MCTP1: variants seen among roughly 807,000 people sequenced by gnomAD.
MCTP1 encodes the protein multiple C2 and transmembrane domain-containing protein 1.
A neutral mutation model predicts 120.6 loss-of-function variants in MCTP1; 69 were observed. The ratio of observed to expected loss-of-function variants is 0.57; its 90% confidence interval spans 0.47 to 0.70. MCTP1 has a LOEUF of 0.70. MCTP1 is among the 30% of genes least tolerant of loss of function. The probability of loss-of-function intolerance (pLI) is 0.00; values close to 1 mark genes in which losing one functional copy is unlikely to be tolerated. For missense variants in MCTP1, 1,203 were observed against 1,248.8 expected (o/e 0.96, Z 0.55); for synonymous variants, 529 against 493.1 (o/e 1.07, Z -0.96).
At chr5:94,708,992 G>A (rs72773573) in intron 21 of MCTP1, 23,164 of 156,706 alleles carry the variant, frequency 0.15, 1,919 homozygotes, top group East Asian at 0.32. Context: ...AACTTATTTG[G>A]TTTCCCCTTT....
At position 94,913,276 on chromosome 5, in the gene MCTP1, G is replaced by A. The variant is rs1030935072; in HGVS notation, c.1351-300C>T. Among the ~76,000 whole-genome samples the A allele has an allele frequency of 2.0e-5, 3 of 152,120 alleles. No individual in the cohort carries two copies. In the East Asian group the frequency reaches 5.8e-4, roughly 29 times the overall value. ...AGAATATCAGAGAATATTTGCATGT[G>A]TGCCAAATAGGCTTATGCCAAAATA... On this transcript the variant is annotated intron_variant, in intron 8 of 22. Transcript: ENST00000515393.
chr5:95,051,979 C>T (rs925614561), intron 1 of MCTP1, among the ~76,000 whole-genome samples: 3 of 152,006 alleles, frequency 2.0e-5, no homozygotes, highest in Non-Finnish European at 4.4e-5. Flanking sequence ...ACCAAACCCC[C>T]GTGACACACA....
At chr5:95,036,497 C>T (rs1841323720) in intron 1 of MCTP1, among the ~76,000 whole-genome samples, 1 of 152,196 alleles carries the variant, frequency 6.6e-6, no homozygotes, top group African/African-American at 2.4e-5. Context: ...AAGCACATAG[C>T]TCTACTTCTC....
intron 19 of MCTP1, among the ~76,000 whole-genome samples, chr5:94,770,183 A>C (rs1241251967): frequency 6.6e-6 from 1 of 152,338 alleles, no homozygotes; most frequent in East Asian, 1.9e-4. Context: ...GCTTTGGTGA[A>C]GAAACATGCT....
intron 20 of MCTP1, among the ~76,000 whole-genome samples, chr5:94,712,430 T>C (rs980296230): frequency 6.7e-5 from 10 of 148,450 alleles, no homozygotes; most frequent in African/African-American, 2.2e-4. Context: ...TTTTTTTTTT[T>C]CAGGGCAATT....
In MCTP1 at chr5:94,819,110, T is replaced by C. The variant is rs200442045; in HGVS notation, c.2437-19978A>G. 3.7e-4 allele frequency among the ~76,000 whole-genome samples: 35 copies of C among 95,164 alleles called. No homozygotes were observed. The East Asian group carries it at 6.9e-3, about 19-fold the overall frequency. The allele number at this position is 95,164 out of a possible 152,430, so 62.4% of individuals were successfully genotyped here. A position where few individuals can be genotyped will look rare whatever the true frequency, so the allele number is the denominator to read the frequency against. On this transcript the variant is annotated intron_variant, in intron 17 of 22. Coordinates refer to ENST00000515393, the MANE Select transcript of MCTP1 (RefSeq NM_024717.7). ...TTATTTATTTATTTATTTATTTATT[T>C]ATTTATTTATTCATTCATTCATTCT...
At position 95,095,062 on chromosome 5, in the gene MCTP1, C is replaced by A. The variant is rs548342336; in HGVS notation, c.721-77578G>T. ...TTTTTGAGACGGAGTCTCGCTCTGT[C>A]GCCCAGGCTGGAGTGCAGTGGCGCG... On this transcript the variant is annotated intron_variant, in intron 1 of 22. Transcript: ENST00000515393. 1.0e-3 allele frequency among the ~76,000 whole-genome samples: 120 copies of A among 116,294 alleles called. 1 individual carries two copies. The highest frequency in any genetic ancestry group is 4.1e-3 in the African/African-American group (115 of 28,146). The allele number at this position is 116,294 out of a possible 152,430, so 76.3% of individuals were successfully genotyped here. A position where few individuals can be genotyped will look rare whatever the true frequency, so the allele number is the denominator to read the frequency against.
In MCTP1 at chr5:95,007,667, C is replaced by T. The variant is rs189018965; in HGVS notation, c.838+9700G>A. On this transcript the variant is annotated intron_variant, in intron 2 of 22. Coordinates refer to ENST00000515393, the MANE Select transcript of MCTP1 (RefSeq NM_024717.7). ...TAAAAATGTCCTACAATTTATTTTT[C>T]TCAGATCTGGCTGCCTTATATCTGG... 3.8e-3 allele frequency among the ~76,000 whole-genome samples: 578 copies of T among 152,278 alleles called. 4 individuals are homozygous for T. The highest frequency in any genetic ancestry group is 6.8e-3 in the Middle Eastern group (2 of 294).
chr5:94,982,750 A>G (rs139961512), intron 2 of MCTP1, among the ~76,000 whole-genome samples: 53 of 151,886 alleles, frequency 3.5e-4, no homozygotes, highest in African/African-American at 1.3e-3. Context: ...TTAACTGGGC[A>G]TGGTGGTGCA....
At chr5:94,748,281 G>T in intron 19 of MCTP1, among the ~76,000 whole-genome samples, 1 of 152,166 alleles carries the variant, frequency 6.6e-6, no homozygotes, top group Non-Finnish European at 1.5e-5. Context: ...ACACATGCCA[G>T]TTGCATGTAC....
At chr5:95,029,051 C>T (rs949106844) in intron 1 of MCTP1, among the ~76,000 whole-genome samples, 1 of 150,704 alleles carries the variant, frequency 6.6e-6, no homozygotes, top group African/African-American at 2.4e-5. Context: ...CCCAGGTATA[C>T]GGGAGACTGA....
chr5:95,236,351 G>C (rs942876632), intron 1 of MCTP1, among the ~76,000 whole-genome samples: 1 of 152,150 alleles, frequency 6.6e-6, no homozygotes, highest in Non-Finnish European at 1.5e-5. Flanking sequence ...TCAATAATGT[G>C]ATCCATTGTA....
chr5:95,231,345 T>C (rs1024419770), intron 1 of MCTP1, among the ~76,000 whole-genome samples: 3 of 152,200 alleles, frequency 2.0e-5, no homozygotes, highest in South Asian at 2.1e-4. Flanking sequence ...AGGATATATA[T>C]ATATATACAC....
intron 1 of MCTP1, among the ~76,000 whole-genome samples, chr5:95,127,880 G>A (rs906432840): frequency 1.3e-5 from 2 of 152,200 alleles, no homozygotes; most frequent in Non-Finnish European, 2.9e-5. Flanking sequence ...GCCATAAAGT[G>A]CTGGTGCAAT....
chr5:94,798,530 G>A (rs1019619022), intron 18 of MCTP1, among the ~76,000 whole-genome samples: 4 of 152,040 alleles, frequency 2.6e-5, no homozygotes, highest in South Asian at 2.1e-4. Flanking sequence ...GTTGTCCAGC[G>A]AACCTTCATT....
At chr5:95,194,892 G>C (rs759263840) in intron 1 of MCTP1, among the ~76,000 whole-genome samples, 1 of 152,146 alleles carries the variant, frequency 6.6e-6, no homozygotes, top group Non-Finnish European at 1.5e-5. Context: ...AAGGCTAGAG[G>C]GATGACAGAG....
chr5:95,232,537 C>G (rs916308370), intron 1 of MCTP1, among the ~76,000 whole-genome samples: 39 of 150,762 alleles, frequency 2.6e-4, no homozygotes, highest in Non-Finnish European at 4.3e-4. Context: ...TGGCTCACTG[C>G]AAGCTCCGCC....
chr5:94,910,774 T>A (rs151281465), intron 9 of MCTP1, among the ~76,000 whole-genome samples: 1 of 152,292 alleles, frequency 6.6e-6, no homozygotes, highest in African/African-American at 2.4e-5. Flanking sequence ...TACCTATTTT[T>A]GGAATCAGTA....
Position 94,791,522 on chromosome 5 carries a change from T to C in MCTP1, c.2556+7491A>G, listed in dbSNP as rs1580713106. 2.8e-4 allele frequency among the ~76,000 whole-genome samples: 16 copies of C among 57,352 alleles called. No individual in the cohort carries two copies. In the South Asian group the frequency reaches 9.3e-3, roughly 33 times the overall value. The allele number at this position is 57,352 out of a possible 152,430, so 37.6% of individuals were successfully genotyped here. ...AAATACACACACACACACACACTCA[T>C]ATAGTGAAAATTGTATAGAAATTAA... On this transcript the variant is annotated intron_variant, in intron 18 of 22. Coordinates refer to ENST00000515393, the MANE Select transcript of MCTP1 (RefSeq NM_024717.7).
Sources: gnomAD v4.1 joint callset for allele counts (sites outside exome capture counted in the v4.1 genomes callset) on GRCh38, gnomAD v4.1.1 for gene constraint, MANE v1.5 for transcripts, NCBI Gene and HGNC (gene_info 2026-07-23, HGNC 2026-07-21) for gene names.